SLC35E2B: variants seen among roughly 807,000 people sequenced by gnomAD.
SLC35E2B encodes the protein solute carrier family 35, member E2B.
A neutral mutation model predicts 32.4 loss-of-function variants in SLC35E2B; 18 were observed. The ratio of observed to expected loss-of-function variants is 0.56; its 90% CI spans 0.38 to 0.82. SLC35E2B has a LOEUF of 0.82. Ranked by LOEUF, SLC35E2B falls within the 40% of genes least tolerant of loss-of-function variation. The probability of loss-of-function intolerance (pLI) is 0.00; values close to 1 mark genes in which losing one functional copy is unlikely to be tolerated. For synonymous variants in SLC35E2B, 132 were observed against 209.1 expected (o/e 0.63, Z 3.18); for missense variants, 263 against 469.5 (o/e 0.56, Z 4.06).
intron 2 of SLC35E2B, among the ~76,000 whole-genome samples, chr1:1,690,439 CAA>C (rs756294207): frequency 6.6e-5 from 9 of 136,180 alleles, no homozygotes; most frequent in East Asian, 2.1e-4. Context: ...GAAAAACAGG[CAA>C]AAAAAAAAAA....
chr1:1,684,320 G>A (rs904573290), intron 2 of SLC35E2B, among the ~76,000 whole-genome samples: 2 of 152,290 alleles, frequency 1.3e-5, no homozygotes, highest in Admixed American at 6.5e-5. Context: ...CAACCCCACC[G>A]GAAGTGAGAG....
chr1:1,670,313 G>A (rs1387617271), intron 6 of SLC35E2B, 162 bp from the exon 7 acceptor site: 5 of 590,670 alleles, frequency 8.5e-6, no homozygotes, highest in Non-Finnish European at 1.5e-5. Context: ...GTAGAGATAG[G>A]GTTTCACCGT....
In SLC35E2B at chr1:1,666,028, G is replaced by A. The variant is rs1643535556; in HGVS notation, c.981-9C>T. The A allele has an allele frequency of 1.3e-6, 2 of 1,548,068 alleles. No individual in the cohort carries two copies. The highest frequency in any genetic ancestry group is 1.7e-6 in the Non-Finnish European group (2 of 1,144,678). ...TCACGGTGCTGGCGACGCTGCGGAG[G>A]CAAGGGGAGGCAGCAGGGGCGCTCA... On this transcript the variant is annotated splice_polypyrimidine_tract_variant and intron_variant, in intron 9 of 9. Coordinates refer to ENST00000617444, the MANE Select transcript of SLC35E2B (RefSeq NM_001290264.2).
At chr1:1,688,452 T>C (rs1316067399) in intron 2 of SLC35E2B, among the ~76,000 whole-genome samples, 1 of 151,320 alleles carries the variant, frequency 6.6e-6, no homozygotes, top group Non-Finnish European at 1.5e-5. Context: ...TACAAAAAAT[T>C]AGCCGGGCAT....
intron 2 of SLC35E2B, among the ~76,000 whole-genome samples, chr1:1,684,708 T>A (rs1247193361): frequency 7.2e-6 from 1 of 139,334 alleles, no homozygotes; most frequent in East Asian, 2.1e-4. Flanking sequence ...AAGAATGGCG[T>A]GAACCTGGGA....
In SLC35E2B at chr1:1,663,940, C is replaced by T. The variant is rs1418535698; in HGVS notation, c.*1842G>A. 3.6e-4 allele frequency: 195 copies of T among 537,574 alleles called. 9 individuals carry two copies. Among genetic ancestry groups the T allele is most frequent in the Non-Finnish European group, 4.6e-4 (190 of 417,468 alleles). The allele number at this position is 537,574 out of a possible 1,614,324, so 33.3% of individuals were successfully genotyped here. On this transcript the variant is annotated 3_prime_UTR_variant, in exon 10 of 10. Coordinates refer to ENST00000617444, the MANE Select transcript of SLC35E2B (RefSeq NM_001290264.2). ...GTGTAGTAGCCCACGCCTATATTCTCGACACTACAGGAGGCTGAGTGGGAA... is the reference window on the plus strand; with the variant it reads ...GTGTAGTAGCCCACGCCTATATTCTTGACACTACAGGAGGCTGAGTGGGAA...
Position 1,663,779 on chromosome 1 carries a change from T to G in SLC35E2B, c.*2003A>C. 2 of 861,916 alleles carry G rather than the reference T, an allele frequency of 2.3e-6. 1 individual carries two copies. The highest frequency in any genetic ancestry group is 2.8e-6 in the Non-Finnish European group (2 of 715,958). 53.4% of individuals were successfully genotyped at this position (861,916 alleles called of 1,614,324 possible). ...CCACCGCACCCAGTCTTCTATTAGT[T>G]TTTGAGGAAAGCAGAAAAAAAGAAA... On this transcript the variant is annotated 3_prime_UTR_variant, in exon 10 of 10. Coordinates refer to ENST00000617444, the MANE Select transcript of SLC35E2B (RefSeq NM_001290264.2).
At chr1:1,685,289 G>A (rs146138768) in intron 2 of SLC35E2B, among the ~76,000 whole-genome samples, 39 of 151,298 alleles carry the variant, frequency 2.6e-4, no homozygotes, top group African/African-American at 8.5e-4. Flanking sequence ...GCCTGGGCAC[G>A]GTGGTGTGCG....
chr1:1,682,856 C>T (rs969091716), intron 2 of SLC35E2B, among the ~76,000 whole-genome samples: 26 of 152,114 alleles, frequency 1.7e-4, no homozygotes, highest in African/African-American at 6.3e-4. Flanking sequence ...GCAGGTGGAT[C>T]ACTTGAGGTC....
rs1643403332 is a variant in SLC35E2B, at chr1:1,661,690, T to G, written c.*4092A>C. 1 of 203,088 alleles carries G rather than the reference T, an allele frequency of 4.9e-6. No homozygotes were observed. Among genetic ancestry groups the G allele is most frequent in the South Asian group, 1.7e-4 (1 of 5,754 alleles). The allele number at this position is 203,088 out of a possible 1,614,324, so 12.6% of individuals were successfully genotyped here. On this transcript the variant is annotated 3_prime_UTR_variant, in exon 10 of 10. Transcript: ENST00000617444. ...CTAGTTATATAAATACTGAAATAGGTCACATGCAAAACACTATAAACGTTT... is the reference window on the plus strand; with the variant it reads ...CTAGTTATATAAATACTGAAATAGGGCACATGCAAAACACTATAAACGTTT...
chr1:1,681,708 G>A (rs1643900930), intron 2 of SLC35E2B, among the ~76,000 whole-genome samples: 1 of 150,492 alleles, frequency 6.6e-6, no homozygotes, highest in Non-Finnish European at 1.5e-5. Context: ...GATTTAGGCC[G>A]GGCGTGGTGG....
Position 1,663,832 on chromosome 1 carries a change from A to G in SLC35E2B, c.*1950T>C, listed in dbSNP as rs143134567. 1.0e-3 allele frequency: 940 copies of G among 913,358 alleles called. 169 individuals are homozygous for G. The highest frequency in any genetic ancestry group is 1.2e-3 in the Non-Finnish European group (924 of 764,020). 56.6% of individuals were successfully genotyped at this position (913,358 alleles called of 1,614,324 possible). ...GAAATCCGGGGAAAGTCACGTGACAAAACATCTTCGCAGCGCAGTGAGCAC... is the reference window on the plus strand; with the variant it reads ...GAAATCCGGGGAAAGTCACGTGACAGAACATCTTCGCAGCGCAGTGAGCAC... On this transcript the variant is annotated 3_prime_UTR_variant, in exon 10 of 10. Transcript: ENST00000617444.
intron 6 of SLC35E2B, chr1:1,671,221 C>A (rs1477156554): frequency 1.3e-5 from 3 of 225,330 alleles, no homozygotes; most frequent in Non-Finnish European, 2.6e-5. Flanking sequence ...ACACACCGAG[C>A]GAGACACACT....
chr1:1,665,794 C>T lies in SLC35E2B; in HGVS notation c.1206G>A (p.Arg402=). 1 of 1,550,632 alleles carries T rather than the reference C, an allele frequency of 6.4e-7. No homozygotes were observed. The highest frequency in any genetic ancestry group is 8.7e-7 in the Non-Finnish European group (1 of 1,146,844). The stretch of plus-strand genomic sequence containing the variant: ...CAGCTTCCTGCTCTCAGGGATGCTG[C>T]CTGGGGTCCTGTGGAAGCAGCGGCT... ...TVEPLLPQDP[R]QHP The change falls in exon 10 of 10, where the codon AGG becomes AGA. Residue 402 remains arginine, a synonymous_variant. Coordinates refer to ENST00000617444, the MANE Select transcript of SLC35E2B (RefSeq NM_001290264.2).
chr1:1,686,026 T>C (rs1476099176), intron 2 of SLC35E2B, among the ~76,000 whole-genome samples: 1 of 150,744 alleles, frequency 6.6e-6, no homozygotes, highest in Non-Finnish European at 1.5e-5. Flanking sequence ...CATTTTTAGA[T>C]GGAGTTTCAC....
At chr1:1,672,731 C>G (rs1221066104) in intron 5 of SLC35E2B, 1 of 152,366 alleles carries the variant, frequency 6.6e-6, no homozygotes, top group Non-Finnish European at 1.5e-5. Context: ...CCTCCAGCCC[C>G]AGGAGACTGC....
intron 5 of SLC35E2B, chr1:1,673,034 G>A (rs1317366066): frequency 1.9e-5 from 3 of 159,632 alleles, no homozygotes; most frequent in South Asian, 1.5e-4. Context: ...GGCTCGATGC[G>A]CAATAAGGTT....
chr1:1,689,041 G>T (rs1279369136), intron 2 of SLC35E2B, among the ~76,000 whole-genome samples: 1 of 151,898 alleles, frequency 6.6e-6, no homozygotes, highest in Non-Finnish European at 1.5e-5. Flanking sequence ...ACGTGGTGGT[G>T]GGTGCCAGTA....
intron 2 of SLC35E2B, among the ~76,000 whole-genome samples, chr1:1,679,299 G>A (rs1172876313): frequency 6.6e-6 from 1 of 152,108 alleles, no homozygotes; most frequent in Admixed American, 6.5e-5. Context: ...TCTCCCTCTT[G>A]CCAGAACAGT....
Sources: gnomAD v4.1 joint callset for allele counts (sites outside exome capture counted in the v4.1 genomes callset) on GRCh38, gnomAD v4.1.1 for gene constraint, MANE v1.5 for transcripts, NCBI Gene and HGNC (gene_info 2026-07-23, HGNC 2026-07-21) for gene names.